PARG: variants seen among roughly 807,000 people sequenced by gnomAD.
PARG encodes the protein poly(ADP-ribose) glycohydrolase.
A neutral mutation model predicts 113.0 loss-of-function variants in PARG; 35 were observed. The ratio of observed to expected loss-of-function variants is 0.31; its 90% CI spans 0.24 to 0.41. The LOEUF is 0.41. Ranked by LOEUF, PARG falls within the 10% of genes least tolerant of loss-of-function variation. The pLI, the probability that PARG is intolerant of heterozygous loss-of-function variation, is 1.00. For synonymous variants in PARG, 330 were observed against 409.9 expected (o/e 0.81, Z 2.36); for missense variants, 797 against 1,169.4 (o/e 0.68, Z 4.64).
intron 1 of PARG, among the ~76,000 whole-genome samples, chr10:49,937,140 A>T (rs1221506726): frequency 1.4e-3 from 207 of 152,338 alleles, no homozygotes; most frequent in African/African-American, 4.9e-3. Context: ...TGTATTCTCT[A>T]TTTATTTTCT....
intron 12 of PARG, among the ~76,000 whole-genome samples, chr10:49,859,189 T>C (rs1846137671): frequency 7.0e-6 from 1 of 143,412 alleles, no homozygotes; most frequent in South Asian, 2.2e-4. Context: ...ATGAGGGGAA[T>C]GGTAAACAGA....
intron 7 of PARG, among the ~76,000 whole-genome samples, chr10:49,895,299 A>C (rs1399956039): frequency 6.6e-6 from 1 of 152,168 alleles, no homozygotes; most frequent in East Asian, 1.9e-4. Context: ...TTTCTTTGTA[A>C]ATAAGGGTCC....
chr10:49,900,729 A>C (rs1384398691), intron 7 of PARG, among the ~76,000 whole-genome samples: 2 of 152,136 alleles, frequency 1.3e-5, no homozygotes, highest in East Asian at 3.9e-4. Flanking sequence ...AAATAAACCC[A>C]CACTGGCACA....
intron 7 of PARG, among the ~76,000 whole-genome samples, chr10:49,887,864 G>T (rs1422275885): frequency 6.6e-6 from 1 of 152,156 alleles, no homozygotes; most frequent in Non-Finnish European, 1.5e-5. Flanking sequence ...TTTAATAGAT[G>T]AATTTAGGTC....
chr10:49,857,000 C>T (rs61846913), intron 13 of PARG, among the ~76,000 whole-genome samples: 22 of 134,260 alleles, frequency 1.6e-4, no homozygotes, highest in African/African-American at 4.9e-4. Flanking sequence ...CAACAGCAAA[C>T]CTCTGTCTCA....
chr10:49,874,164 C>T (rs2132596181), intron 9 of PARG, among the ~76,000 whole-genome samples: 1 of 148,002 alleles, frequency 6.8e-6, no homozygotes, highest in Admixed American at 6.8e-5. Context: ...CCTCTCTAAA[C>T]TTCCACCTCA....
At chr10:49,823,368 T>A (rs189533325) in intron 16 of PARG, among the ~76,000 whole-genome samples, 1 of 152,262 alleles carries the variant, frequency 6.6e-6, no homozygotes, top group African/African-American at 2.4e-5. Flanking sequence ...CGTTGAGTAT[T>A]TCCCAGATTT....
At chr10:49,936,843 G>A (rs1838768883) in intron 1 of PARG, among the ~76,000 whole-genome samples, 1 of 152,224 alleles carries the variant, frequency 6.6e-6, no homozygotes, top group South Asian at 2.1e-4. Flanking sequence ...ATTTCAGATG[G>A]GGAGAATTTT....
intron 16 of PARG, among the ~76,000 whole-genome samples, chr10:49,821,687 G>GT (rs1480660672): frequency 1.3e-5 from 2 of 152,008 alleles, no homozygotes; most frequent in African/African-American, 4.8e-5. Context: ...GCCAAAGAGG[G>GT]TATCTTTTTA....
chr10:49,900,277 G>C (rs1403391084), intron 7 of PARG, among the ~76,000 whole-genome samples: 1 of 151,898 alleles, frequency 6.6e-6, no homozygotes, highest in Non-Finnish European at 1.5e-5. Flanking sequence ...TCTAGTGACA[G>C]AACTCTGCAT....
chr10:49,885,139 C>A, intron 8 of PARG, 64 bp downstream of exon 8: 2 of 865,432 alleles, frequency 2.3e-6, no homozygotes, highest in South Asian at 1.3e-5. Flanking sequence ...CCTGGCCATT[C>A]GAGTTTAAGG....
At chr10:49,857,647 T>C (rs2132523073) in intron 12 of PARG, among the ~76,000 whole-genome samples, 194 bp from the exon 13 acceptor site, 2 of 151,200 alleles carry the variant, frequency 1.3e-5, no homozygotes, top group South Asian at 4.2e-4. Context: ...TCTCTGCACA[T>C]TTTTCTGGAT....
intron 13 of PARG, among the ~76,000 whole-genome samples, chr10:49,848,780 C>T (rs1263178435): frequency 6.6e-6 from 1 of 152,100 alleles, no homozygotes; most frequent in Admixed American, 6.5e-5. Context: ...ATTTTAAAAA[C>T]TTACAACAGC....
intron 16 of PARG, among the ~76,000 whole-genome samples, chr10:49,825,984 GT>G (rs2132363815): frequency 6.6e-6 from 1 of 152,282 alleles, no homozygotes; most frequent in Admixed American, 6.5e-5. Context: ...TGCAATATCA[GT>G]TGAGCATCTC....
chr10:49,878,382 T>C (rs543856245), intron 9 of PARG, among the ~76,000 whole-genome samples: 32 of 146,658 alleles, frequency 2.2e-4, no homozygotes, highest in African/African-American at 4.3e-4. Context: ...CTTTGGGAGA[T>C]AGAAGCAGGC....
Position 49,819,403 on chromosome 10 carries a change from T to C in PARG, c.2868A>G (p.Ile956Met). 7 of 1,551,554 alleles carry C rather than the reference T, an allele frequency of 4.5e-6. No homozygotes were observed. The highest frequency in any genetic ancestry group is 6.1e-6 in the Non-Finnish European group (7 of 1,146,808). The stretch of plus-strand genomic sequence containing the variant: ...CTGCACAGGACTCGACAGCATGGTA[T>C]ATGAATGGATAAAGCTTGATGTCTG... ...PGPDIKLYPF[I>M]YHAVESCAET... is the part of the protein sequence containing the mutation. Residue 956 changes from isoleucine to methionine, a missense_variant, in exon 18 of 18, where the codon ATA becomes ATG. By Grantham distance (10) the Ile-to-Met change is conservative. This residue lies in a region of PARG where 194 missense variants were observed against 247.1 expected (regional missense o/e 0.79). Transcript: ENST00000616448.
chr10:49,887,560 T>C (rs1401479915), intron 7 of PARG, among the ~76,000 whole-genome samples: 3 of 152,200 alleles, frequency 2.0e-5, no homozygotes, highest in African/African-American at 7.2e-5. Context: ...CTTTTGAAAT[T>C]GACTTTTTTT....
rs1484998562 is a variant in PARG, at chr10:49,941,455, G to C, written c.217+54C>G. On this transcript the variant is annotated intron_variant, in intron 1 of 17. Coordinates refer to ENST00000616448, the MANE Select transcript of PARG (RefSeq NM_003631.5). ...TGGAGCCCCTGGGTCCTCAGACTGA[G>C]ACCAGAAGGTTCGGGCCGAGGCGAA... The C allele has an allele frequency of 2.5e-4, 331 of 1,336,048 alleles. 2 individuals carry two copies. In the African/African-American group the frequency reaches 4.3e-3, roughly 17 times the overall value. 82.8% of individuals were successfully genotyped at this position (1,336,048 alleles called of 1,614,324 possible).
In PARG at chr10:49,941,514, G is replaced by A; in HGVS notation, c.212C>T (p.Ser71Leu). The A allele has an allele frequency of 6.5e-7, 1 of 1,550,354 alleles. No individual in the cohort carries two copies. The highest frequency in any genetic ancestry group is 8.7e-7 in the Non-Finnish European group (1 of 1,145,642). The change falls in exon 1 of 18, where the codon TCG (serine) becomes TTG (leucine). Residue 71 changes from serine to leucine, a missense_variant. Ser to Leu is a moderately radical substitution (Grantham distance 145). This residue lies in a region of PARG where 284 missense variants were observed against 306.1 expected (regional missense o/e 0.93). Transcript: ENST00000616448. Reference protein sequence around the residue: ...RAGQHRGSATSLVFKQKTITS... With the variant: ...RAGQHRGSATLLVFKQKTITS... ...ATTTTTATTTTCCCACGTACCAAGC[G>A]AGGTGGCGCTGCCTCTGTGCTGTCC...
Sources: allele counts gnomAD v4.1 joint callset (sites outside exome capture counted in the v4.1 genomes callset), GRCh38; gene constraint gnomAD v4.1.1; regional missense constraint gnomAD v4.1.1; transcripts MANE v1.5; gene names NCBI Gene and HGNC (gene_info 2026-07-23, HGNC 2026-07-21).